Variants in SRSF11 observed in about 807,000 individuals in gnomAD.
SRSF11 encodes serine and arginine rich splicing factor 11.
Under a neutral mutation model 56.0 loss-of-function variants are expected in SRSF11, and 9 were observed. That is an observed-to-expected ratio of 0.16 (90% confidence interval 0.10 to 0.28). SRSF11 has a LOEUF of 0.28. SRSF11 is among the 10% of genes least tolerant of loss of function. The probability of loss-of-function intolerance (pLI) is 1.00; values close to 1 mark genes in which losing one functional copy is unlikely to be tolerated. For synonymous variants in SRSF11, 222 were observed against 215.3 expected, an observed-to-expected ratio of 1.03 and a Z score of -0.27; for missense variants, 421 against 600.7, an observed-to-expected ratio of 0.70 and a Z score of 3.13.
intron 7 of SRSF11, among the ~76,000 whole-genome samples, chr1:70,241,280 T>G (rs1675326895): frequency 1.3e-5 from 2 of 152,224 alleles, no homozygotes; most frequent in African/African-American, 4.8e-5. Flanking sequence ...TAAAAGCACT[T>G]ATATCATAAA....
intron 2 of SRSF11, chr1:70,229,858 A>C: frequency 1.0e-6 from 1 of 984,624 alleles, no homozygotes; most frequent in African/African-American, 1.7e-5. Flanking sequence ...CATGATATTA[A>C]AGTGTATGAG....
At chr1:70,217,333 T>C (rs755792145), upstream of SRSF11, among the ~76,000 whole-genome samples, 8 of 152,110 alleles carry the variant, frequency 5.3e-5, no homozygotes, top group Non-Finnish European at 1.0e-4. Context: ...TAATTTTGTA[T>C]TTTTAGTAGA....
At chr1:70,230,854 A>G in intron 2 of SRSF11, 3 of 1,176,806 alleles carry the variant, frequency 2.5e-6, no homozygotes, top group Non-Finnish European at 3.2e-6. Context: ...ATGCAAAATT[A>G]TCCCATAATC....
At chr1:70,207,052 G>C (rs1444392899) in intron 1 of SRSF11, among the ~76,000 whole-genome samples, 1 of 151,786 alleles carries the variant, frequency 6.6e-6, no homozygotes, top group Non-Finnish European at 1.5e-5. Flanking sequence ...CACCACACCT[G>C]GCTAATTTTT....
At position 70,247,509 on chromosome 1, in the gene SRSF11, ATTACT is replaced by A; in HGVS notation, c.1022+604_1022+608del. On this transcript the variant is annotated intron_variant, in intron 9 of 11. Coordinates refer to ENST00000370949, the MANE Select transcript of SRSF11 (RefSeq NM_001350605.2). ...TGCAGTGCTTGTTTTATTCATCAAC[ATTACT>A]TAAATTCACTAGGAGAAGGTTCATG... Among the ~76,000 whole-genome samples, 3 of 152,230 alleles carry A rather than the reference ATTACT, an allele frequency of 2.0e-5. No homozygotes were observed. The Middle Eastern group carries it at 0.01, about 518-fold the overall frequency.
intron 1 of SRSF11, among the ~76,000 whole-genome samples, chr1:70,223,898 C>A (rs1671183714): frequency 6.6e-6 from 1 of 152,050 alleles, no homozygotes; most frequent in Non-Finnish European, 1.5e-5. Context: ...AACAGGTCAC[C>A]TGATTGTAAC....
At chr1:70,224,123 G>A (rs764908683) in intron 1 of SRSF11, among the ~76,000 whole-genome samples, 4 of 152,124 alleles carry the variant, frequency 2.6e-5, no homozygotes, top group African/African-American at 4.8e-5. Flanking sequence ...GATGTGCACA[G>A]GTAATATGCC....
At chr1:70,231,474 G>T (rs951787913) in intron 2 of SRSF11, 1 of 1,055,924 alleles carries the variant, frequency 9.5e-7, no homozygotes, top group Non-Finnish European at 1.1e-6. Context: ...AAGGAGTTTG[G>T]CTAAGTTAGC....
At chr1:70,227,480 C>A (rs1672041272) in intron 1 of SRSF11, among the ~76,000 whole-genome samples, 1 of 151,990 alleles carries the variant, frequency 6.6e-6, no homozygotes, top group East Asian at 1.9e-4. Context: ...TGGATTACCC[C>A]CAACCCCCAA....
At chr1:70,243,409 A>G (rs1206164449) in intron 7 of SRSF11, among the ~76,000 whole-genome samples, 1 of 141,190 alleles carries the variant, frequency 7.1e-6, no homozygotes, top group Non-Finnish European at 1.5e-5. Context: ...GTTAAAGCTC[A>G]TGTTATTCAA....
intron 1 of SRSF11, 99 bp downstream of exon 1, chr1:70,221,938 A>G: frequency 6.6e-7 from 1 of 1,509,186 alleles, no homozygotes; most frequent in Non-Finnish European, 8.8e-7. Context: ...TCCCCGGGCC[A>G]GGCTGCTTGA....
intron 1 of SRSF11, among the ~76,000 whole-genome samples, chr1:70,210,898 G>C (rs898988586): frequency 2.0e-5 from 3 of 152,088 alleles, no homozygotes; most frequent in Admixed American, 2.0e-4. Flanking sequence ...CTTTTAATTT[G>C]GGGGTTTTCT....
chr1:70,209,695 C>G (rs988421217), intron 1 of SRSF11, among the ~76,000 whole-genome samples: 4 of 146,866 alleles, frequency 2.7e-5, no homozygotes, highest in African/African-American at 1.0e-4. Context: ...AAGAGATCCT[C>G]GCATCTCAGC....
chr1:70,208,342 G>A (rs561899029), intron 1 of SRSF11, among the ~76,000 whole-genome samples: 1 of 152,096 alleles, frequency 6.6e-6, no homozygotes, highest in African/African-American at 2.4e-5. Flanking sequence ...GTGTGTGTGT[G>A]TGTGTGAGTG....
chr1:70,233,956 A>G (rs1224511240), intron 3 of SRSF11, among the ~76,000 whole-genome samples: 8 of 152,210 alleles, frequency 5.3e-5, no homozygotes, highest in Non-Finnish European at 1.2e-4. Flanking sequence ...ACTACCTCTG[A>G]GGCTGAAGCA....
chr1:70,237,053 C>T (rs1674268264), intron 5 of SRSF11, among the ~76,000 whole-genome samples: 1 of 151,914 alleles, frequency 6.6e-6, no homozygotes, highest in Non-Finnish European at 1.5e-5. Flanking sequence ...TCCCAAGGGG[C>T]TGGGATTACA....
Position 70,250,929 on chromosome 1 carries a change from TA to T in SRSF11, c.*127del, listed in dbSNP as rs1677859677. 1 of 817,176 alleles carries T rather than the reference TA, an allele frequency of 1.2e-6. No homozygotes were observed. Among genetic ancestry groups the T allele is most frequent in the South Asian group, 2.0e-5 (1 of 50,686 alleles). The allele number at this position is 817,176 out of a possible 1,614,324, so 50.6% of individuals were successfully genotyped here. ...TACAGCTCTGAGTTATAAATGGTTATAAAGCTCCTGTTACTCATATTAGTTA... is the reference window on the plus strand; with the variant it reads ...TACAGCTCTGAGTTATAAATGGTTATAAGCTCCTGTTACTCATATTAGTTA... On this transcript the variant is annotated 3_prime_UTR_variant, in exon 12 of 12. Coordinates refer to ENST00000370949, the MANE Select transcript of SRSF11 (RefSeq NM_001350605.2).
intron 5 of SRSF11, among the ~76,000 whole-genome samples, chr1:70,236,145 A>AC (rs1479336979): frequency 6.6e-6 from 1 of 152,122 alleles, no homozygotes. Context: ...TAGTTAGTGG[A>AC]CTTTTTTCTT....
chr1:70,239,839 A>G (rs183938058), intron 7 of SRSF11, among the ~76,000 whole-genome samples: 2 of 152,332 alleles, frequency 1.3e-5, no homozygotes, highest in Admixed American at 6.5e-5. Flanking sequence ...TCTAGTGTCA[A>G]AAAGTGACAT....
Sources: gnomAD v4.1 joint callset for allele counts (sites outside exome capture counted in the v4.1 genomes callset) on GRCh38, gnomAD v4.1.1 for gene constraint, MANE v1.5 for transcripts, NCBI Gene and HGNC (gene_info 2026-07-23, HGNC 2026-07-21) for gene names.